Variants in NKAIN2 observed in about 807,000 individuals in gnomAD.
NKAIN2 encodes the protein sodium/potassium-transporting ATPase subunit beta-1-interacting protein 2.
NKAIN2 carries 14 observed loss-of-function variants against 32.6 expected under a neutral mutation model. That is an observed-to-expected ratio of 0.43 (90% confidence interval 0.28 to 0.67). The LOEUF (loss-of-function observed/expected upper bound fraction) is 0.67. Among genes scored for constraint, NKAIN2 ranks in the 30% least tolerant of loss-of-function variants. The pLI is 0.17. For missense variants in NKAIN2, 198 were observed against 258.3 expected (o/e 0.77, Z 1.60); for synonymous variants, 80 against 87.2 (o/e 0.92, Z 0.46).
intron 1 of NKAIN2, among the ~76,000 whole-genome samples, chr6:123,859,666 T>G (rs776428774): frequency 6.6e-6 from 1 of 152,124 alleles, no homozygotes; most frequent in Non-Finnish European, 1.5e-5. Flanking sequence ...AGAACAGGGA[T>G]CATCTAGGTA....
intron 3 of NKAIN2, among the ~76,000 whole-genome samples, chr6:124,531,876 G>C (rs1313397224): frequency 6.6e-6 from 1 of 152,108 alleles, no homozygotes; most frequent in African/African-American, 2.4e-5. Flanking sequence ...TCACCATGTT[G>C]GCAAAGCTGT....
At chr6:124,556,434 A>G (rs772560967) in intron 3 of NKAIN2, among the ~76,000 whole-genome samples, 11 of 152,146 alleles carry the variant, frequency 7.2e-5, no homozygotes, top group Non-Finnish European at 1.2e-4. Context: ...AAATGGATCA[A>G]TGTTATTATC....
intron 1 of NKAIN2, among the ~76,000 whole-genome samples, chr6:124,044,021 A>G (rs954816504): frequency 2.0e-5 from 3 of 152,054 alleles, no homozygotes; most frequent in African/African-American, 7.2e-5. Context: ...GACTTAGGCG[A>G]GTGAGCAGGG....
rs542296620 is a variant in NKAIN2 at position 124,701,235 on chromosome 6, TATA to T, written c.474+42852_474+42854del. On this transcript the variant is annotated intron_variant, in intron 4 of 6. Coordinates refer to ENST00000368417, the MANE Select transcript of NKAIN2 (RefSeq NM_001040214.3). ...AACTTTGGAATTTCATTTCTTTTTT[TATA>T]ATGTTTTACCTTCTCTTGATTATTT... Among the ~76,000 whole-genome samples the T allele has an allele frequency of 7.9e-3, 1,199 of 152,038 alleles. 6 individuals carry two copies. Among genetic ancestry groups the T allele is most frequent in the Non-Finnish European group, 0.014 (967 of 67,934 alleles).
At chr6:124,818,083 T>C (rs1250856189) in intron 5 of NKAIN2, among the ~76,000 whole-genome samples, 1 of 152,146 alleles carries the variant, frequency 6.6e-6, no homozygotes, top group Non-Finnish European at 1.5e-5. Flanking sequence ...ATTGTGTAGA[T>C]GAATTCTATT....
chr6:124,406,490 T>G (rs1005667462), intron 3 of NKAIN2, among the ~76,000 whole-genome samples: 1 of 152,152 alleles, frequency 6.6e-6, no homozygotes, highest in Non-Finnish European at 1.5e-5. Flanking sequence ...TCAGGTTGTT[T>G]CATTGTTGAA....
intron 1 of NKAIN2, among the ~76,000 whole-genome samples, chr6:124,049,058 T>C (rs1782274499): frequency 6.6e-6 from 1 of 152,044 alleles, no homozygotes; most frequent in African/African-American, 2.4e-5. Flanking sequence ...TAAAGCTCAG[T>C]TTATTATAGT....
chr6:124,750,495 AGATG>A (rs56937918), intron 4 of NKAIN2, among the ~76,000 whole-genome samples: 70,505 of 149,496 alleles, frequency 0.47, 16,567 homozygotes, highest in African/African-American at 0.49. Flanking sequence ...CTGGAGGAAG[AGATG>A]GATGGATGGA....
At chr6:124,782,229 T>G (rs1779301544) in intron 4 of NKAIN2, among the ~76,000 whole-genome samples, 1 of 152,134 alleles carries the variant, frequency 6.6e-6, no homozygotes, top group African/African-American at 2.4e-5. Flanking sequence ...TGAGTTTAAC[T>G]GTTTCTTTTT....
chr6:124,466,519 A>G (rs1483498661), intron 3 of NKAIN2, among the ~76,000 whole-genome samples: 2 of 152,104 alleles, frequency 1.3e-5, no homozygotes, highest in Non-Finnish European at 1.5e-5. Context: ...TGGGATCTCT[A>G]TTAGTACTGC....
intron 3 of NKAIN2, among the ~76,000 whole-genome samples, chr6:124,489,864 T>C (rs1777793491): frequency 6.6e-6 from 1 of 151,874 alleles, no homozygotes; most frequent in South Asian, 2.1e-4. Context: ...ATTTGTCCCC[T>C]ATCCTCTTTC....
At chr6:124,734,203 A>G (rs1412682407) in intron 4 of NKAIN2, among the ~76,000 whole-genome samples, 1 of 151,742 alleles carries the variant, frequency 6.6e-6, no homozygotes, top group East Asian at 1.9e-4. Flanking sequence ...TAAGTATTGG[A>G]TTATAACCCT....
chr6:124,634,473 C>T (rs1783696056), intron 3 of NKAIN2, among the ~76,000 whole-genome samples: 1 of 151,944 alleles, frequency 6.6e-6, no homozygotes, highest in Non-Finnish European at 1.5e-5. Context: ...CAATTGAGCA[C>T]TTCAATAATA....
chr6:123,967,413 C>A (rs575233984), intron 1 of NKAIN2, among the ~76,000 whole-genome samples: 8 of 152,296 alleles, frequency 5.3e-5, no homozygotes, highest in African/African-American at 1.9e-4. Context: ...TAATAATGTG[C>A]TGAGTACTGG....
chr6:124,169,236 C>T (rs1450189931), intron 1 of NKAIN2, among the ~76,000 whole-genome samples: 2 of 151,980 alleles, frequency 1.3e-5, no homozygotes, highest in Non-Finnish European at 2.9e-5. Flanking sequence ...AATAAATATA[C>T]ATAGTCTCAA....
At chr6:123,905,221 T>A (rs1226121240) in intron 1 of NKAIN2, among the ~76,000 whole-genome samples, 1 of 151,938 alleles carries the variant, frequency 6.6e-6, no homozygotes, top group Non-Finnish European at 1.5e-5. Context: ...GACAAAGACT[T>A]CATTACAGCA....
intron 1 of NKAIN2, among the ~76,000 whole-genome samples, chr6:124,064,959 T>G (rs566043966): frequency 5.9e-5 from 9 of 152,242 alleles, no homozygotes; most frequent in African/African-American, 2.2e-4. Flanking sequence ...GAGGTTTATC[T>G]ATATCTTCAA....
intron 1 of NKAIN2, among the ~76,000 whole-genome samples, chr6:124,106,948 G>T (rs772076377): frequency 2.0e-4 from 30 of 152,120 alleles, no homozygotes; most frequent in Non-Finnish European, 3.7e-4. Context: ...TTAGAGATAG[G>T]CACTGTATAC....
intron 1 of NKAIN2, among the ~76,000 whole-genome samples, chr6:123,837,752 C>A (rs545839071): frequency 6.6e-6 from 1 of 152,104 alleles, no homozygotes; most frequent in East Asian, 1.9e-4. Context: ...CATTGTCTAG[C>A]TTAGTGTTGG....
Sources: allele counts gnomAD v4.1 joint callset (sites outside exome capture counted in the v4.1 genomes callset), GRCh38; gene constraint gnomAD v4.1.1; transcripts MANE v1.5; gene names NCBI Gene and HGNC (gene_info 2026-07-23, HGNC 2026-07-21).